Variants in ANKRD17 observed in about 807,000 individuals in gnomAD.
ANKRD17 encodes ankyrin repeat domain 17.
In ANKRD17, 19 loss-of-function variants were observed where a neutral mutation model predicts 229.7. The observed-to-expected ratio is 0.08, with a 90% CI of 0.06 to 0.12. The LOEUF (loss-of-function observed/expected upper bound fraction) is 0.12. ANKRD17 is among the 10% of genes least tolerant of loss of function. ANKRD17 has a pLI of 1.00. For missense variants in ANKRD17, 2,176 were observed against 3,176.8 expected, an observed-to-expected ratio of 0.68 and a Z score of 7.57; for synonymous variants, 1,112 against 1,146.1, an observed-to-expected ratio of 0.97 and a Z score of 0.60.
chr4:73,141,384 T>G (rs1729582742), intron 14 of ANKRD17, among the ~76,000 whole-genome samples: 1 of 152,198 alleles, frequency 6.6e-6, no homozygotes, highest in Non-Finnish European at 1.5e-5. Context: ...TTGATACATC[T>G]TGTTAATTTA....
intron 1 of ANKRD17, among the ~76,000 whole-genome samples, chr4:73,213,903 A>C (rs1740654520): frequency 6.6e-6 from 1 of 152,188 alleles, no homozygotes. Flanking sequence ...CCTGTGAAAG[A>C]AGGGAAGGAT....
intron 1 of ANKRD17, among the ~76,000 whole-genome samples, chr4:73,216,211 A>T (rs1560740736): frequency 6.6e-6 from 1 of 152,176 alleles, no homozygotes; most frequent in Non-Finnish European, 1.5e-5. Flanking sequence ...GAAAATAATT[A>T]TTTTTTTATA....
chr4:73,078,494 C>A, intron 31 of ANKRD17, 148 bp downstream of exon 31: 1 of 913,388 alleles, frequency 1.1e-6, no homozygotes, highest in Non-Finnish European at 1.6e-6. Flanking sequence ...ACCAAGATCA[C>A]CCCATTGCAC....
intron 1 of ANKRD17, among the ~76,000 whole-genome samples, chr4:73,233,363 A>G (rs1743236909): frequency 6.6e-6 from 1 of 152,180 alleles, no homozygotes; most frequent in Non-Finnish European, 1.5e-5. Flanking sequence ...TCTACTCCAT[A>G]ACTATAATTA....
At chr4:73,182,093 T>C (rs200557680) in intron 1 of ANKRD17, among the ~76,000 whole-genome samples, 1 of 60,198 alleles carries the variant, frequency 1.7e-5, no homozygotes, top group Non-Finnish European at 3.4e-5. Context: ...AAAAAAAAAA[T>C]TTAAAAGAAA....
At chr4:73,113,683 C>G (rs897523023) in intron 24 of ANKRD17, 109 bp downstream of exon 24, 1 of 883,218 alleles carries the variant, frequency 1.1e-6, no homozygotes, top group Non-Finnish European at 1.8e-6. Context: ...AAATCATGTA[C>G]GTAATTTAAA....
chr4:73,112,804 T>C (rs897965225), intron 24 of ANKRD17: 1 of 676,088 alleles, frequency 1.5e-6, no homozygotes, highest in African/African-American at 2.0e-5. Flanking sequence ...TATTTATTTT[T>C]TGAGACGGAG....
chr4:73,197,580 T>C (rs1404520367), intron 1 of ANKRD17, among the ~76,000 whole-genome samples: 1 of 152,182 alleles, frequency 6.6e-6, no homozygotes, highest in Non-Finnish European at 1.5e-5. Flanking sequence ...CTGTAATCCC[T>C]GCACTTTGGG....
intron 24 of ANKRD17, among the ~76,000 whole-genome samples, chr4:73,105,529 G>T (rs988067712): frequency 6.6e-6 from 1 of 151,948 alleles, no homozygotes; most frequent in Non-Finnish European, 1.5e-5. Context: ...ATCAACACTG[G>T]TAAACCTCAC....
intron 2 of ANKRD17, among the ~76,000 whole-genome samples, chr4:73,162,670 G>T (rs572286890): frequency 6.6e-6 from 1 of 151,808 alleles, no homozygotes; most frequent in Admixed American, 6.6e-5. Flanking sequence ...ATTCAGAACT[G>T]CAAAATTAAA....
Position 73,090,788 on chromosome 4 carries a change from T to C in ANKRD17, c.6840A>G (p.Pro2280=), listed in dbSNP as rs1207873368. 6.2e-6 allele frequency: 10 copies of C among 1,614,096 alleles called. No individual in the cohort carries two copies. Among genetic ancestry groups the C allele is most frequent in the South Asian group, 3.3e-5 (3 of 91,090 alleles). Residue 2280 remains proline, a synonymous_variant, in exon 29 of 34, where the codon CCA becomes CCG. Transcript: ENST00000358602. Reference sequence around the variant, plus strand: ...AGGATTTTCCTGATAGCATAGATTCTGGTGTTGACTGAGATGAAACAACAG... The same window carrying C: ...AGGATTTTCCTGATAGCATAGATTCCGGTGTTGACTGAGATGAAACAACAG... The part of the protein sequence containing the change: ...GGSVVSSQST[P]ESMLSGKSSY...
At chr4:73,249,787 C>T (rs1180933572) in intron 1 of ANKRD17, among the ~76,000 whole-genome samples, 9 of 152,144 alleles carry the variant, frequency 5.9e-5, no homozygotes, top group Non-Finnish European at 1.3e-4. Context: ...ATCTGGAATG[C>T]GGAGGTTGCA....
rs1726512912 is a variant in ANKRD17, at chr4:73,120,034, G to A, written c.4025+128C>T. 3.9e-6 allele frequency: 4 copies of A among 1,021,074 alleles called. No individual in the cohort carries two copies. In the South Asian group the frequency reaches 4.5e-5, roughly 11 times the overall value. 63.3% of individuals were successfully genotyped at this position (1,021,074 alleles called of 1,614,324 possible). A position where few individuals can be genotyped will look rare whatever the true frequency, so the allele number is the denominator to read the frequency against. ...TGGAAAACAATGGGTAGGTTTGGGG[G>A]AAAAAGCACTTGTTTATAAAAGAAG... On this transcript the variant is annotated intron_variant, in intron 21 of 33. Coordinates refer to ENST00000358602, the MANE Select transcript of ANKRD17 (RefSeq NM_032217.5).
At chr4:73,116,174 A>G (rs1040181486) in intron 22 of ANKRD17, among the ~76,000 whole-genome samples, 1 of 151,232 alleles carries the variant, frequency 6.6e-6, no homozygotes, top group South Asian at 2.1e-4. Context: ...AAAAACAATA[A>G]TCCCAAAATC....
Position 73,144,835 on chromosome 4 carries a change from G to GT in ANKRD17, c.1870-4dup. 1.4e-6 allele frequency: 2 copies of GT among 1,449,818 alleles called. No homozygotes were observed. The highest frequency in any genetic ancestry group is 9.3e-7 in the Non-Finnish European group (1 of 1,074,886). 89.8% of individuals were successfully genotyped at this position (1,449,818 alleles called of 1,614,324 possible). On this transcript the variant is annotated splice_region_variant and splice_polypyrimidine_tract_variant and intron_variant, in intron 10 of 33. Coordinates refer to ENST00000358602, the MANE Select transcript of ANKRD17 (RefSeq NM_032217.5). The stretch of plus-strand genomic sequence containing the variant: ...CTTCCACCTTCAGATTCATGTTCCT[G>GT]TTTAAAAAAAAAAAAAAAGACTTGA...
intron 1 of ANKRD17, among the ~76,000 whole-genome samples, chr4:73,179,307 A>G (rs1408299891): frequency 6.6e-6 from 1 of 150,892 alleles, no homozygotes; most frequent in Non-Finnish European, 1.5e-5. Context: ...AATTTCATAA[A>G]ATTTTGTTCT....
intron 9 of ANKRD17, 75 bp downstream of exon 9, chr4:73,147,165 TA>T (rs995299661): frequency 1.5e-6 from 2 of 1,345,564 alleles, no homozygotes; most frequent in Non-Finnish European, 1.0e-6. Context: ...CATAGCATCA[TA>T]AAAATATTTG....
chr4:73,174,187 A>G (rs1679929514), intron 2 of ANKRD17, among the ~76,000 whole-genome samples: 1 of 152,126 alleles, frequency 6.6e-6, no homozygotes, highest in African/African-American at 2.4e-5. Context: ...ATCCTCAACA[A>G]AATACTAGCT....
chr4:73,197,712 T>C (rs1738087245), intron 1 of ANKRD17, among the ~76,000 whole-genome samples: 1 of 152,094 alleles, frequency 6.6e-6, no homozygotes, highest in Non-Finnish European at 1.5e-5. Context: ...AGCATGCTCC[T>C]ATAGTCCCAG....
Sources: gnomAD v4.1 joint callset for allele counts (sites outside exome capture counted in the v4.1 genomes callset) on GRCh38, gnomAD v4.1.1 for gene constraint, MANE v1.5 for transcripts, NCBI Gene and HGNC (gene_info 2026-07-23, HGNC 2026-07-21) for gene names.